TENM3: variants seen among roughly 807,000 people sequenced by gnomAD.
TENM3 encodes teneurin transmembrane protein 3, also known as teneurin-3.
Under a neutral mutation model 255.1 loss-of-function variants are expected in TENM3, and 63 were observed. The ratio of observed to expected loss-of-function variants is 0.25; its 90% confidence interval spans 0.20 to 0.30. The LOEUF (loss-of-function observed/expected upper bound fraction) is 0.30. TENM3 is among the 10% of genes least tolerant of loss of function. The pLI, the probability that TENM3 is intolerant of heterozygous loss-of-function variation, is 1.00. For missense variants in TENM3, 2,929 were observed against 3,461.1 expected (o/e 0.85, Z 3.86); for synonymous variants, 1,306 against 1,322.3 (o/e 0.99, Z 0.27).
intron 3 of TENM3, among the ~76,000 whole-genome samples, chr4:182,381,391 T>A (rs7695836): frequency 3.5e-4 from 53 of 152,256 alleles, no homozygotes; most frequent in Middle Eastern, 6.8e-3. Context: ...GTTTCGATAC[T>A]GGGATGAAGA....
chr4:181,563,866 C>A, the TENM3 span, among the ~76,000 whole-genome samples: 2 of 152,074 alleles, frequency 1.3e-5, no homozygotes, highest in African/African-American at 2.4e-5. Context: ...TACAGTAGAC[C>A]AACAGGGTCT....
the TENM3 span, among the ~76,000 whole-genome samples, chr4:181,637,728 T>C: frequency 3.9e-5 from 6 of 152,308 alleles, no homozygotes; most frequent in African/African-American, 1.4e-4. Flanking sequence ...AGCAAGCACT[T>C]ACCAATTGTA....
chr4:181,667,438 A>G, the TENM3 span, among the ~76,000 whole-genome samples: 3 of 152,200 alleles, frequency 2.0e-5, no homozygotes, highest in East Asian at 1.9e-4. Flanking sequence ...CCCAAAAAGC[A>G]TGTGTTGGAG....
the TENM3 span, among the ~76,000 whole-genome samples, chr4:181,792,907 T>C: frequency 6.6e-6 from 1 of 152,122 alleles, no homozygotes; most frequent in African/African-American, 2.4e-5. Context: ...AAAAATCCAG[T>C]CATATTAAAG....
At chr4:181,759,780 T>C in the TENM3 span, among the ~76,000 whole-genome samples, 1 of 147,680 alleles carries the variant, frequency 6.8e-6, no homozygotes, top group African/African-American at 2.5e-5. Context: ...GGATAAACAG[T>C]AGGTAGAAAA....
the TENM3 span, among the ~76,000 whole-genome samples, chr4:181,697,674 A>G: frequency 4.5e-4 from 68 of 152,052 alleles, no homozygotes; most frequent in Non-Finnish European, 8.4e-4. Context: ...TTACAGGCGT[A>G]AGCCACTGCG....
At chr4:182,582,756 C>A (rs1356410055) in intron 3 of TENM3, among the ~76,000 whole-genome samples, 1 of 152,080 alleles carries the variant, frequency 6.6e-6, no homozygotes. Flanking sequence ...TCGATTCTAG[C>A]TAATGGAGAG....
At chr4:182,587,408 A>C (rs1746134445) in intron 3 of TENM3, among the ~76,000 whole-genome samples, 2 of 152,092 alleles carry the variant, frequency 1.3e-5, no homozygotes, top group African/African-American at 4.8e-5. Flanking sequence ...AAAATACAAA[A>C]ATTGGCTGGG....
intron 3 of TENM3, among the ~76,000 whole-genome samples, chr4:182,440,114 C>CTTTTT (rs5864784): frequency 2.4e-5 from 3 of 126,768 alleles, no homozygotes; most frequent in Admixed American, 8.8e-5. Context: ...TGGTGGGCAC[C>CTTTTT]TTTTTTTTTT....
At chr4:182,620,926 T>C (rs1750063594) in intron 4 of TENM3, among the ~76,000 whole-genome samples, 1 of 152,152 alleles carries the variant, frequency 6.6e-6, no homozygotes, top group Admixed American at 6.5e-5. Context: ...ACGCCTGTAA[T>C]CCCAGCACTT....
chr4:182,443,566 G>T (rs1418698407), intron 3 of TENM3, among the ~76,000 whole-genome samples: 1 of 152,120 alleles, frequency 6.6e-6, no homozygotes, highest in East Asian at 1.9e-4. Flanking sequence ...CTGCCCTCCT[G>T]CCTCTCTCCT....
chr4:181,459,814 T>A, the TENM3 span, among the ~76,000 whole-genome samples: 1 of 152,118 alleles, frequency 6.6e-6, no homozygotes, highest in South Asian at 2.1e-4. Context: ...TTTGCATTGC[T>A]ATATAAGTTT....
the TENM3 span, among the ~76,000 whole-genome samples, chr4:181,939,811 C>T: frequency 3.9e-5 from 6 of 152,196 alleles, no homozygotes; most frequent in Middle Eastern, 3.2e-3. Context: ...CAGGGTGAAT[C>T]TTTTAGGGCC....
chr4:182,649,501 A>C (rs926424762), intron 5 of TENM3, among the ~76,000 whole-genome samples: 1 of 150,560 alleles, frequency 6.6e-6, no homozygotes, highest in Non-Finnish European at 1.5e-5. Context: ...AAAACTAAGA[A>C]GCATAATACT....
chr4:181,453,013 C>G, the TENM3 span, among the ~76,000 whole-genome samples: 1 of 152,166 alleles, frequency 6.6e-6, no homozygotes, highest in South Asian at 2.1e-4. Flanking sequence ...CCCAGCACTA[C>G]TGAGAGGTTA....
chr4:182,756,948 C>T lies in TENM3; in HGVS notation c.4892+1689C>T, dbSNP rs571992115. Among the ~76,000 whole-genome samples, 7 of 152,194 alleles carry T rather than the reference C, an allele frequency of 4.6e-5. No individual in the cohort carries two copies. The East Asian group carries it at 7.7e-4, about 17-fold the overall frequency. ...AAGTGATCGCAGGCTAGATTGCCAA[C>T]GAAGCAAAAAAGAGCACAAGAAAAG... On this transcript the variant is annotated intron_variant, in intron 22 of 27. Transcript: ENST00000511685.
At chr4:181,724,058 T>C in the TENM3 span, among the ~76,000 whole-genome samples, 1 of 152,226 alleles carries the variant, frequency 6.6e-6, no homozygotes, top group Non-Finnish European at 1.5e-5. Flanking sequence ...CTCAGAGTCA[T>C]GTAAAATGTG....
At chr4:181,515,422 A>G in the TENM3 span, among the ~76,000 whole-genome samples, 5 of 151,916 alleles carry the variant, frequency 3.3e-5, no homozygotes, top group African/African-American at 1.2e-4. Flanking sequence ...CCCTTCTCCA[A>G]TTTGCATTGA....
intron 3 of TENM3, among the ~76,000 whole-genome samples, chr4:182,367,566 A>C (rs1766518603): frequency 6.6e-6 from 1 of 151,868 alleles, no homozygotes; most frequent in African/African-American, 2.4e-5. Context: ...AGGGCTCTGT[A>C]ATGTGAGAGA....
Sources: allele counts gnomAD v4.1 joint callset (sites outside exome capture counted in the v4.1 genomes callset), GRCh38; gene constraint gnomAD v4.1.1; transcripts MANE v1.5; gene names NCBI Gene and HGNC (gene_info 2026-07-23, HGNC 2026-07-21).